The following BCLAF3 variants were observed in gnomAD, a reference collection of about 807,000 sequenced individuals.
BCLAF3 encodes the protein BCLAF1 and THRAP3 family member 3.
BCLAF3 carries 24 observed loss-of-function variants against 51.2 expected under a neutral mutation model. That is an observed-to-expected ratio of 0.47 (90% CI 0.34 to 0.66). The LOEUF is 0.66. BCLAF3 is among the 30% of genes least tolerant of loss of function. The pLI is 0.01. For missense variants in BCLAF3, 465 were observed against 525.1 expected (o/e 0.89, Z 1.12); for synonymous variants, 152 against 176.6 (o/e 0.86, Z 1.10).
chrX:19,920,653 C>A (rs1331104064), intron 11 of BCLAF3, among the ~76,000 whole-genome samples: 1 of 110,005 alleles, frequency 9.1e-6, no homozygotes, highest in African/African-American at 3.3e-5. Context: ...GACCCCGTAC[C>A]TACAAGAAAA....
chrX:19,917,422 A>G, intron 11 of BCLAF3, 88 bp from the exon 12 acceptor site: 1 of 827,665 alleles, frequency 1.2e-6, no homozygotes, highest in East Asian at 3.2e-5. Context: ...TTTTCAAAGT[A>G]TTTTCGTTTA....
rs1305024598 is a variant in BCLAF3 at position 19,945,585 on chromosome X, CG to C, written c.1745+5167del. On this transcript the variant is annotated intron_variant, in intron 8 of 11. Transcript: ENST00000379682. ...GGGGGTGCCTCTCAGTTAGGCTGCT[CG>C]GGGGTCAGGGGTCAGGGACCCACTT... Among the ~76,000 whole-genome samples the C allele has an allele frequency of 3.8e-5, 3 of 78,709 alleles. No homozygotes were observed. In the East Asian group the frequency reaches 8.7e-4, roughly 23 times the overall value. 68.3% of individuals were successfully genotyped at this position (78,709 alleles called of 115,157 possible). A position where few individuals can be genotyped will look rare whatever the true frequency, so the allele number is the denominator to read the frequency against.
rs185508519 is a variant in BCLAF3, at chrX:19,974,763, T to A, written c.-34-4465A>T. 3.7e-4 allele frequency among the ~76,000 whole-genome samples: 41 copies of A among 110,034 alleles called. 1 individual carries two copies. The East Asian group carries it at 0.01, about 27-fold the overall frequency. The stretch of plus-strand genomic sequence containing the variant: ...CAGGCATGGTGGCGCGTGGCTGTAG[T>A]CCCAGCTACTCGGGAGGTTGAGGCA... On this transcript the variant is annotated intron_variant, in intron 1 of 11. Transcript: ENST00000379682.
chrX:19,975,242 TA>T (rs761028494), intron 1 of BCLAF3, among the ~76,000 whole-genome samples: 32,137 of 101,311 alleles, frequency 0.32, 6,040 homozygotes, highest in African/African-American at 0.69. Flanking sequence ...AAAGTGTTGT[TA>T]AAAAAAAAAA....
intron 11 of BCLAF3, 78 bp downstream of exon 11, chrX:19,929,707 C>A: frequency 1.0e-6 from 1 of 982,048 alleles, no homozygotes. Flanking sequence ...AATGAGAAAC[C>A]AATTTATCTA....
intron 8 of BCLAF3, among the ~76,000 whole-genome samples, chrX:19,946,157 G>A (rs1459404751): frequency 9.0e-6 from 1 of 111,389 alleles, no homozygotes; most frequent in Admixed American, 9.4e-5. Context: ...GCACCCACTG[G>A]CCTGCGCCCA....
intron 1 of BCLAF3, among the ~76,000 whole-genome samples, chrX:19,989,341 CA>C (rs1314630114): frequency 5.4e-5 from 6 of 110,602 alleles, no homozygotes; most frequent in Admixed American, 9.7e-5. Context: ...ACTAAAAATA[CA>C]AAAATTAGCC....
intron 1 of BCLAF3, among the ~76,000 whole-genome samples, chrX:19,977,498 G>A (rs1420948557): frequency 8.9e-6 from 1 of 112,344 alleles, no homozygotes; most frequent in Admixed American, 9.4e-5. Context: ...CCAATCCAGA[G>A]CAAGACTCTA....
At chrX:19,930,005 A>G (rs924334110) in intron 10 of BCLAF3, 65 bp from the exon 11 acceptor site, 5 of 1,094,905 alleles carry the variant, frequency 4.6e-6, no homozygotes, top group Non-Finnish European at 6.2e-6. Flanking sequence ...TTATTAGTAA[A>G]CAGATGAGTG....
At chrX:19,968,009 T>C (rs1422664404) in intron 2 of BCLAF3, among the ~76,000 whole-genome samples, 1 of 112,214 alleles carries the variant, frequency 8.9e-6, no homozygotes, top group East Asian at 2.8e-4. Context: ...TCCTGGAAGA[T>C]TTCATCTCTT....
chrX:19,930,629 TC>T, intron 10 of BCLAF3: 1 of 227,977 alleles, frequency 4.4e-6, no homozygotes, highest in South Asian at 4.8e-5. Context: ...GACACCACAC[TC>T]CAGTCTGGGT....
intron 8 of BCLAF3, among the ~76,000 whole-genome samples, chrX:19,944,680 C>T (rs1277095689): frequency 1.5e-4 from 13 of 84,910 alleles, no homozygotes; most frequent in Non-Finnish European, 2.7e-4. Context: ...GTGGGTAACC[C>T]GACCTTTCTC....
intron 10 of BCLAF3, among the ~76,000 whole-genome samples, chrX:19,932,723 G>T (rs772351848): frequency 9.1e-6 from 1 of 109,484 alleles, no homozygotes; most frequent in Non-Finnish European, 1.9e-5. Context: ...GTAGAGACAG[G>T]GTTTCACTAT....
intron 4 of BCLAF3, among the ~76,000 whole-genome samples, chrX:19,956,430 G>A (rs1367453786): frequency 1.8e-5 from 2 of 111,519 alleles, no homozygotes; most frequent in African/African-American, 6.5e-5. Context: ...ACCACCCTGA[G>A]ACAATGGATG....
At chrX:19,950,709 C>G (rs781040392) in intron 8 of BCLAF3, 44 bp downstream of exon 8, 1 of 980,983 alleles carries the variant, frequency 1.0e-6, no homozygotes, top group Non-Finnish European at 1.4e-6. Context: ...TATGGTAAAA[C>G]CCAAAGCTCC....
intron 8 of BCLAF3, among the ~76,000 whole-genome samples, chrX:19,947,030 G>A (rs867909377): frequency 2.7e-5 from 3 of 111,925 alleles, no homozygotes; most frequent in Admixed American, 9.5e-5. Context: ...CGAAGACAAA[G>A]GTTTGTATAT....
At chrX:19,955,879 A>C (rs2147907806) in intron 4 of BCLAF3, among the ~76,000 whole-genome samples, 1 of 112,029 alleles carries the variant, frequency 8.9e-6, no homozygotes, top group East Asian at 2.8e-4. Flanking sequence ...TGCAAAAAGT[A>C]ATCGATTAGA....
At chrX:19,938,687 G>A (rs1170075959) in intron 8 of BCLAF3, among the ~76,000 whole-genome samples, 4 of 112,716 alleles carry the variant, frequency 3.5e-5, no homozygotes, top group Admixed American at 9.4e-5. Flanking sequence ...GTGAGCCACC[G>A]TGCCCAGCCA....
At chrX:19,921,476 G>C (rs1031169362) in intron 11 of BCLAF3, among the ~76,000 whole-genome samples, 1 of 112,238 alleles carries the variant, frequency 8.9e-6, no homozygotes, top group African/African-American at 3.2e-5. Context: ...GGCCAAGGCA[G>C]GCAGATCACT....
Sources: allele counts gnomAD v4.1 joint callset (sites outside exome capture counted in the v4.1 genomes callset), GRCh38; gene constraint gnomAD v4.1.1; transcripts MANE v1.5; gene names NCBI Gene and HGNC (gene_info 2026-07-23, HGNC 2026-07-21).